Variants in CORIN observed in about 807,000 individuals in gnomAD.
The protein encoded by CORIN is corin, serine peptidase, also known as atrial natriuretic peptide-converting enzyme.
In CORIN, 117 loss-of-function variants were observed where a neutral mutation model predicts 125.3. The ratio of observed to expected loss-of-function variants is 0.93; its 90% CI spans 0.80 to 1.09. The LOEUF (loss-of-function observed/expected upper bound fraction) is 1.09, where lower values mean the gene tolerates loss of function less well. Among genes scored for constraint, CORIN ranks in the 50% least tolerant of loss-of-function variants. CORIN has a pLI of 0.00. For synonymous variants in CORIN, 450 were observed against 466.4 expected (o/e 0.96, Z 0.45); for missense variants, 1,253 against 1,306.7 (o/e 0.96, Z 0.63).
Position 47,743,887 on chromosome 4 carries a change from GA to G in CORIN, c.799+514del, listed in dbSNP as rs535450519. ...GTGGCAGAGCAAGTCTCTGTCTCCA[GA>G]AAAAAAAAAAAAGACATGCACAAGA... is the stretch of plus-strand genomic sequence containing the variant. On this transcript the variant is annotated intron_variant, in intron 5 of 21. Coordinates refer to ENST00000273857, the MANE Select transcript of CORIN (RefSeq NM_006587.4). Among the ~76,000 whole-genome samples, 615 of 117,178 alleles carry G rather than the reference GA, an allele frequency of 5.2e-3. 2 individuals are homozygous for G. Among genetic ancestry groups the G allele is most frequent in the Middle Eastern group, 0.014 (3 of 212 alleles). 76.9% of individuals were successfully genotyped at this position (117,178 alleles called of 152,430 possible). A position where few individuals can be genotyped will look rare whatever the true frequency, so the allele number is the denominator to read the frequency against.
At chr4:47,679,981 A>G (rs1725191747) in intron 8 of CORIN, 160 bp downstream of exon 8, 1 of 541,532 alleles carries the variant, frequency 1.8e-6, no homozygotes, top group Non-Finnish European at 3.3e-6. Flanking sequence ...TTGTCATCCC[A>G]TGACTCAGTG....
At chr4:47,637,787 G>A (rs780701688) in intron 16 of CORIN, among the ~76,000 whole-genome samples, 1 of 152,214 alleles carries the variant, frequency 6.6e-6, no homozygotes, top group East Asian at 1.9e-4. Context: ...AGTGTGGAAG[G>A]GAAATGTGGA....
chr4:47,662,524 T>A (rs1028347404), intron 11 of CORIN, among the ~76,000 whole-genome samples: 4 of 152,132 alleles, frequency 2.6e-5, no homozygotes, highest in African/African-American at 9.7e-5. Flanking sequence ...AGTTAAAGTA[T>A]CAGCGTGCCT....
At chr4:47,801,673 C>T (rs1314419172) in intron 2 of CORIN, among the ~76,000 whole-genome samples, 1 of 152,214 alleles carries the variant, frequency 6.6e-6, no homozygotes, top group Non-Finnish European at 1.5e-5. Context: ...CAGTGCTGCC[C>T]TGTCACAGCA....
intron 5 of CORIN, among the ~76,000 whole-genome samples, chr4:47,701,838 G>C (rs1305938783): frequency 6.6e-6 from 1 of 151,910 alleles, no homozygotes; most frequent in African/African-American, 2.4e-5. Context: ...AGGGGTGAGG[G>C]AGAAGTCCTA....
chr4:47,754,942 A>G (rs955256470), intron 4 of CORIN, among the ~76,000 whole-genome samples: 5 of 152,152 alleles, frequency 3.3e-5, no homozygotes, highest in African/African-American at 1.2e-4. Context: ...GCAAACATAA[A>G]AGAGTTTTTG....
intron 19 of CORIN, among the ~76,000 whole-genome samples, chr4:47,607,233 C>T (rs1486507637): frequency 1.3e-5 from 2 of 151,894 alleles, no homozygotes; most frequent in Non-Finnish European, 2.9e-5. Flanking sequence ...GCGGTGAAAC[C>T]CCGTCTCTAC....
chr4:47,599,285 CA>C (rs1721362349), intron 21 of CORIN, among the ~76,000 whole-genome samples: 1 of 152,112 alleles, frequency 6.6e-6, no homozygotes, highest in Non-Finnish European at 1.5e-5. Context: ...CCCTCTTTCC[CA>C]TGACAACTAT....
At chr4:47,645,375 C>T (rs1312431335) in intron 13 of CORIN, among the ~76,000 whole-genome samples, 181 bp from the exon 14 acceptor site, 1 of 138,862 alleles carries the variant, frequency 7.2e-6, no homozygotes, top group Non-Finnish European at 1.5e-5. Context: ...CACTTGAACC[C>T]GGGAGGCGGA....
Position 47,763,393 on chromosome 4 carries a change from A to C in CORIN, c.603T>G (p.Ile201Met), listed in dbSNP as rs1729559449. ...TTCCGAAATACCTGTCATCGCCATCAATGATGCACTCAGGGAAGGCGAGGG... is the reference window on the plus strand; with the variant it reads ...TTCCGAAATACCTGTCATCGCCATCCATGATGCACTCAGGGAAGGCGAGGG... ...GCTLAFPECIIDGDDSHGLLP... is the reference protein window; with the variant it reads ...GCTLAFPECIMDGDDSHGLLP... Residue 201 changes from isoleucine to methionine, a missense_variant, in exon 4 of 22, where the codon ATT (isoleucine) becomes ATG (methionine). By Grantham distance (10) the Ile-to-Met change is conservative. Coordinates refer to ENST00000273857, the MANE Select transcript of CORIN (RefSeq NM_006587.4). 6.2e-7 allele frequency: 1 copy of C among 1,613,562 alleles called. No homozygotes were observed. Among genetic ancestry groups the C allele is most frequent in the Non-Finnish European group, 8.5e-7 (1 of 1,179,592 alleles).
chr4:47,641,829 T>C (rs1263370379), intron 16 of CORIN, 91 bp downstream of exon 16: 2 of 1,468,362 alleles, frequency 1.4e-6, no homozygotes, highest in Non-Finnish European at 9.3e-7. Flanking sequence ...TTGAGAGCAC[T>C]AACTCTCTGT....
At chr4:47,732,052 T>A (rs1278499469) in intron 5 of CORIN, among the ~76,000 whole-genome samples, 4 of 152,032 alleles carry the variant, frequency 2.6e-5, no homozygotes, top group Non-Finnish European at 5.9e-5. Flanking sequence ...GGAATAAAAT[T>A]GGGGATGATA....
At chr4:47,631,925 T>A (rs1353869234) in intron 16 of CORIN, among the ~76,000 whole-genome samples, 1 of 152,196 alleles carries the variant, frequency 6.6e-6, no homozygotes. Flanking sequence ...ATCACTTTTC[T>A]GATGCTGAAA....
chr4:47,818,131 T>G (rs1220259062), intron 1 of CORIN, among the ~76,000 whole-genome samples: 1 of 151,990 alleles, frequency 6.6e-6, no homozygotes, highest in East Asian at 1.9e-4. Flanking sequence ...TCTCAGGAGG[T>G]CAAAAAATAT....
At chr4:47,748,474 C>G (rs1052740039) in intron 4 of CORIN, among the ~76,000 whole-genome samples, 6 of 152,170 alleles carry the variant, frequency 3.9e-5, no homozygotes, top group Admixed American at 3.9e-4. Context: ...AAGCAGAAAG[C>G]TTTTATACCT....
chr4:47,758,205 G>A (rs1051837202), intron 4 of CORIN, among the ~76,000 whole-genome samples: 20 of 151,592 alleles, frequency 1.3e-4, no homozygotes, highest in Admixed American at 8.6e-4. Flanking sequence ...GAGCCACCAC[G>A]CCCAGCCTGA....
intron 1 of CORIN, chr4:47,837,620 A>T: frequency 3.5e-6 from 2 of 576,532 alleles, no homozygotes; most frequent in Non-Finnish European, 6.1e-6. Context: ...GCCGACTCGA[A>T]CACTGAAGGA....
At chr4:47,610,173 T>C (rs531727508) in intron 19 of CORIN, among the ~76,000 whole-genome samples, 1 of 152,336 alleles carries the variant, frequency 6.6e-6, no homozygotes, top group Non-Finnish European at 1.5e-5. Context: ...CTTTGAGAAA[T>C]TGCCACACTA....
chr4:47,668,239 T>C (rs922013817), intron 10 of CORIN, among the ~76,000 whole-genome samples: 4 of 152,360 alleles, frequency 2.6e-5, no homozygotes, highest in Non-Finnish European at 5.9e-5. Context: ...TAAAAATGCA[T>C]GTTTTTCATA....
Sources: allele counts gnomAD v4.1 joint callset (sites outside exome capture counted in the v4.1 genomes callset), GRCh38; gene constraint gnomAD v4.1.1; transcripts MANE v1.5; gene names NCBI Gene and HGNC (gene_info 2026-07-23, HGNC 2026-07-21).